SHANK2: variants seen among roughly 807,000 people sequenced by gnomAD.
SHANK2 encodes SH3 and multiple ankyrin repeat domains protein 2.
A neutral mutation model predicts 133.7 loss-of-function variants in SHANK2; 43 were observed. That is an observed-to-expected ratio of 0.32 (90% confidence interval 0.25 to 0.41). The LOEUF (loss-of-function observed/expected upper bound fraction) is 0.41. Ranked by LOEUF, SHANK2 falls within the 10% of genes least tolerant of loss-of-function variation. The probability of loss-of-function intolerance (pLI) is 1.00; values close to 1 mark genes in which losing one functional copy is unlikely to be tolerated. For synonymous variants in SHANK2, 1,017 were observed against 952.8 expected (o/e 1.07, Z -1.24); for missense variants, 1,994 against 2,235.8 (o/e 0.89, Z 2.18).
At position 70,707,742 on chromosome 11, in the gene SHANK2, G is replaced by A. The variant is rs185081654; in HGVS notation, c.1778-8979C>T. 1.7e-3 allele frequency among the ~76,000 whole-genome samples: 254 copies of A among 152,268 alleles called. 3 individuals carry two copies. Among genetic ancestry groups the A allele is most frequent in the African/African-American group, 5.6e-3 (234 of 41,540 alleles). Reference sequence around the variant, plus strand: ...CCCCAGCATCCGGCCTGGGGAAGCCGTCGAGTCACGTTGGCTACTGTTGTC... The same window carrying A: ...CCCCAGCATCCGGCCTGGGGAAGCCATCGAGTCACGTTGGCTACTGTTGTC... On this transcript the variant is annotated intron_variant, in intron 14 of 25. Coordinates refer to ENST00000601538, the MANE Select transcript of SHANK2 (RefSeq NM_012309.5).
chr11:70,636,456 C>A (rs551865099), intron 17 of SHANK2, among the ~76,000 whole-genome samples: 1 of 149,150 alleles, frequency 6.7e-6, no homozygotes, highest in African/African-American at 2.5e-5. Context: ...TGTGTGAGCA[C>A]GTGTGAGCAT....
intron 10 of SHANK2, among the ~76,000 whole-genome samples, chr11:70,922,729 T>TA (rs1184262948): frequency 3.3e-5 from 5 of 151,676 alleles, no homozygotes; most frequent in African/African-American, 7.3e-5. Context: ...GATGATCCCA[T>TA]AAAAAAAATT....
intron 2 of SHANK2, among the ~76,000 whole-genome samples, chr11:71,149,208 G>T (rs1434261736): frequency 6.6e-6 from 1 of 152,314 alleles, no homozygotes; most frequent in South Asian, 2.1e-4. Flanking sequence ...TGGAGGAAAA[G>T]CAGGTGCGAG....
intron 14 of SHANK2, among the ~76,000 whole-genome samples, chr11:70,740,605 C>T (rs531773279): frequency 7.2e-5 from 11 of 152,270 alleles, no homozygotes; most frequent in Non-Finnish European, 1.2e-4. Context: ...ACCCCCTGCC[C>T]GGTTGGATAG....
At position 71,188,286 on chromosome 11, in the gene SHANK2, A is replaced by C. The variant is rs1555114810; in HGVS notation, c.-13+36411T>G. On this transcript the variant is annotated intron_variant, in intron 2 of 25. Transcript: ENST00000601538. The surrounding 1 kb of genome is among the most constrained non-coding windows in gnomAD (Gnocchi z 4.6). ...GGACCACTGGAGCTGCCCACTCACCATCCTACCCCCATCTGCCCAGCCCCT... is the reference window on the plus strand; with the variant it reads ...GGACCACTGGAGCTGCCCACTCACCCTCCTACCCCCATCTGCCCAGCCCCT... Among the ~76,000 whole-genome samples, 1 of 151,888 alleles carries C rather than the reference A, an allele frequency of 6.6e-6. No homozygotes were observed. The highest frequency in any genetic ancestry group is 2.4e-5 in the African/African-American group (1 of 41,322).
chr11:70,516,718 G>T (rs1341897479), intron 17 of SHANK2, among the ~76,000 whole-genome samples: 1 of 152,194 alleles, frequency 6.6e-6, no homozygotes, highest in Non-Finnish European at 1.5e-5. Context: ...TAAAGGACTG[G>T]TATTTGAAAT....
intron 14 of SHANK2, among the ~76,000 whole-genome samples, chr11:70,722,952 A>G (rs1946100805): frequency 6.6e-6 from 1 of 152,216 alleles, no homozygotes; most frequent in South Asian, 2.1e-4. Flanking sequence ...TGTTAGATAA[A>G]AATCTCACTG....
rs564555555 is a variant in SHANK2, at chr11:71,251,098, C to T, written c.-113+1327G>A. On this transcript the variant is annotated intron_variant, in intron 1 of 25. Coordinates refer to ENST00000601538, the MANE Select transcript of SHANK2 (RefSeq NM_012309.5). Reference sequence around the variant, plus strand: ...AGCCTTACGTACTTTCGCCTGACCCCCCCACCACCCACCCCTCACCTGCCT... The same window carrying T: ...AGCCTTACGTACTTTCGCCTGACCCTCCCACCACCCACCCCTCACCTGCCT... 2.3e-3 allele frequency among the ~76,000 whole-genome samples: 349 copies of T among 152,182 alleles called. 2 individuals are homozygous for T. The highest frequency in any genetic ancestry group is 7.9e-3 in the African/African-American group (330 of 41,526).
chr11:71,086,432 T>A (rs1334416680), intron 8 of SHANK2, among the ~76,000 whole-genome samples: 196 of 129,074 alleles, frequency 1.5e-3, no homozygotes, highest in African/African-American at 5.5e-3. Flanking sequence ...ATATTATATA[T>A]TTATAATTTA....
chr11:70,729,455 T>A (rs1487504738), intron 14 of SHANK2, among the ~76,000 whole-genome samples: 2 of 151,314 alleles, frequency 1.3e-5, no homozygotes, highest in East Asian at 3.9e-4. Flanking sequence ...TATTCTGGAG[T>A]GAGCGAGAGA....
At chr11:70,635,175 C>T (rs2061055339) in intron 17 of SHANK2, 1 of 152,222 alleles carries the variant, frequency 6.6e-6, no homozygotes, top group Admixed American at 6.5e-5. Flanking sequence ...ACAGAACGAG[C>T]ACGTGAGCCA....
intron 8 of SHANK2, among the ~76,000 whole-genome samples, chr11:71,075,577 G>A (rs1161908437): frequency 6.6e-6 from 1 of 152,150 alleles, no homozygotes; most frequent in Non-Finnish European, 1.5e-5. Flanking sequence ...CTGATCCCGG[G>A]GCCTAGAGCC....
At position 70,551,069 on chromosome 11, in the gene SHANK2, A is replaced by T. The variant is rs12280844; in HGVS notation, c.2062-48138T>A. Among the ~76,000 whole-genome samples the T allele has an allele frequency of 6.2e-3, 944 of 151,538 alleles. 16 individuals are homozygous for T. The highest frequency in any genetic ancestry group is 0.02 in the African/African-American group (842 of 41,274). ...CTGGAGTGCCAGCGGACCCCCTCCC[A>T]CCCCCTCCGAGACCTCATCCCTGTA... is the stretch of plus-strand genomic sequence containing the variant. On this transcript the variant is annotated intron_variant, in intron 17 of 25. Transcript: ENST00000601538.
rs886925547 is a variant in SHANK2, at chr11:71,060,966, C to T, written c.1030-4408G>A. ...CCATAAATATATGTTGCTTTGAGTA[C>T]AGGAAAAAATATGTAAGGGAATTTT... On this transcript the variant is annotated intron_variant, in intron 9 of 25. Transcript: ENST00000601538. 5.3e-4 allele frequency among the ~76,000 whole-genome samples: 81 copies of T among 152,294 alleles called. 3 individuals carry two copies. In the East Asian group the frequency reaches 0.01, roughly 19 times the overall value.
chr11:71,241,398 G>A (rs782387048), intron 1 of SHANK2, among the ~76,000 whole-genome samples: 4 of 152,084 alleles, frequency 2.6e-5, no homozygotes, highest in Non-Finnish European at 5.9e-5. Context: ...CGGAAGCCCC[G>A]CTTCCCCTGC....
chr11:71,087,715 G>T (rs1951437227), intron 8 of SHANK2, among the ~76,000 whole-genome samples: 1 of 152,118 alleles, frequency 6.6e-6, no homozygotes, highest in African/African-American at 2.4e-5. Context: ...TATAACCTCT[G>T]CCTGCTGGGT....
chr11:70,694,033 A>T (rs1336457139), intron 15 of SHANK2, among the ~76,000 whole-genome samples: 1 of 152,172 alleles, frequency 6.6e-6, no homozygotes, highest in Non-Finnish European at 1.5e-5. Context: ...TGAGACCCTG[A>T]GTTCTCCCCC....
chr11:71,244,217 G>A (rs1555124729), intron 1 of SHANK2, among the ~76,000 whole-genome samples: 1 of 152,202 alleles, frequency 6.6e-6, no homozygotes, highest in African/African-American at 2.4e-5. Flanking sequence ...CCCACAGCCT[G>A]GAAGGTGCCT....
Position 70,701,547 on chromosome 11 carries a change from C to T in SHANK2, c.1778-2784G>A, listed in dbSNP as rs148864860. On this transcript the variant is annotated intron_variant, in intron 14 of 25. Coordinates refer to ENST00000601538, the MANE Select transcript of SHANK2 (RefSeq NM_012309.5). ...TCCCGAGTAGCTAGGACTACAGGTGCGTGCCACCACGCCCAGCTAATTTTT... is the reference window on the plus strand; with the variant it reads ...TCCCGAGTAGCTAGGACTACAGGTGTGTGCCACCACGCCCAGCTAATTTTT... 6.5e-4 allele frequency among the ~76,000 whole-genome samples: 99 copies of T among 152,096 alleles called. 1 individual carries two copies. Among genetic ancestry groups the T allele is most frequent in the African/African-American group, 2.3e-3 (96 of 41,460 alleles).
Sources: allele counts gnomAD v4.1 joint callset (sites outside exome capture counted in the v4.1 genomes callset), GRCh38; gene constraint gnomAD v4.1.1; non-coding constraint Gnocchi (gnomAD v3.1); transcripts MANE v1.5; gene names NCBI Gene and HGNC (gene_info 2026-07-23, HGNC 2026-07-21).